Variants in DLEC1 observed in about 807,000 individuals in gnomAD.
The protein encoded by DLEC1 is DLEC1 cilia and flagella associated protein.
DLEC1 carries 146 observed loss-of-function variants against 198.1 expected under a neutral mutation model. That is an observed-to-expected ratio of 0.74 (90% CI 0.64 to 0.85). The LOEUF (loss-of-function observed/expected upper bound fraction) is 0.85, where lower values mean the gene tolerates loss of function less well. Ranked by LOEUF, DLEC1 falls within the 40% of genes least tolerant of loss-of-function variation. The probability of loss-of-function intolerance (pLI) is 0.00; values close to 1 mark genes in which losing one functional copy is unlikely to be tolerated. For missense variants in DLEC1, 2,233 were observed against 2,220.0 expected (o/e 1.01, Z -0.12); for synonymous variants, 897 against 866.8 (o/e 1.03, Z -0.61).
intron 35 of DLEC1, 138 bp from the exon 36 acceptor site, chr3:38,121,933 T>C (rs1700490459): frequency 6.6e-7 from 1 of 1,509,210 alleles, no homozygotes; most frequent in Admixed American, 2.1e-5. Flanking sequence ...AGTCCCCCAA[T>C]CCCACATGAT....
Position 38,073,739 on chromosome 3 carries a change from G to A in DLEC1, c.1173+9820G>A, listed in dbSNP as rs71323651. Among the ~76,000 whole-genome samples the A allele has an allele frequency of 5.4e-3, 827 of 152,274 alleles. 4 individuals carry two copies. The highest frequency in any genetic ancestry group is 8.6e-3 in the Non-Finnish European group (586 of 68,020). On this transcript the variant is annotated intron_variant, in intron 6 of 36. Coordinates refer to ENST00000308059, the MANE Select transcript of DLEC1 (RefSeq NM_007335.4). ...TTTTCAGGGGTTTTGAAGCTTGGCC[G>A]TCAGTACCTACAACAGTTATTGGGG...
rs771063541 is a variant in DLEC1, at chr3:38,096,699, G to T, written c.2302G>T (p.Glu768Ter). 6.2e-7 allele frequency: 1 copy of T among 1,612,742 alleles called. No homozygotes were observed. The highest frequency in any genetic ancestry group is 1.1e-5 in the South Asian group (1 of 90,880). The change falls in exon 15 of 37, where the codon GAG (glutamate) becomes TAG (stop). Residue 768 changes from glutamate (E) to a stop codon, truncating the protein, a stop_gained. Transcript: ENST00000308059. LOFTEE classifies it high-confidence loss of function. ...LEPYALIIPG[E>*]NYIGINVKKA... is the part of the protein sequence containing the mutation. ...GCCATATGCCCTCATCATCCCAGGGGAGAACTACATTGGGATAAATGTGAA... is the reference window on the plus strand; with the variant it reads ...GCCATATGCCCTCATCATCCCAGGGTAGAACTACATTGGGATAAATGTGAA...
At chr3:38,063,982 A>C (rs1575407307) in intron 6 of DLEC1, 63 bp downstream of exon 6, 1 of 767,296 alleles carries the variant, frequency 1.3e-6, no homozygotes. Flanking sequence ...AAAAGTCTTT[A>C]TTATGGAAAT....
rs759120426 is a variant in DLEC1, at chr3:38,097,194, A to G, written c.2353A>G (p.Ser785Gly). Residue 785 changes from serine (S) to glycine (G), a missense_variant, in exon 16 of 37, where the codon AGC (serine) becomes GGC (glycine). Ser to Gly is a moderately conservative substitution (Grantham distance 56, BLOSUM62 0). Transcript: ENST00000308059. ...VKKAFKMWNN[S>G]KSPIRYLWGK... ...GGGTGTCTTTCAGATGTGGAACAAC[A>G]GCAAGTCACCCATCAGATACCTGTG... 6 of 1,576,144 alleles carry G rather than the reference A, an allele frequency of 3.8e-6. No homozygotes were observed. In the South Asian group the frequency reaches 7.0e-5, roughly 18 times the overall value.
At chr3:38,083,814 TAGAG>T (rs760922898) in intron 6 of DLEC1, among the ~76,000 whole-genome samples, 31 of 151,222 alleles carry the variant, frequency 2.0e-4, no homozygotes, top group Non-Finnish European at 3.5e-4. Flanking sequence ...TTTTTTTTGG[TAGAG>T]AGAGTCTCTT....
At position 38,087,207 on chromosome 3, in the gene DLEC1, C is replaced by T. The variant is rs376116227; in HGVS notation, c.1572+830C>T. ...CAGGGCTGGGGGCAGGCCCTGTGTA[C>T]CTTGTCCTGAGTGCCCAGCTCCACC... On this transcript the variant is annotated intron_variant, in intron 9 of 36. Coordinates refer to ENST00000308059, the MANE Select transcript of DLEC1 (RefSeq NM_007335.4). Among the ~76,000 whole-genome samples, 199 of 152,328 alleles carry T rather than the reference C, an allele frequency of 1.3e-3. 1 individual carries two copies. Among genetic ancestry groups the T allele is most frequent in the African/African-American group, 4.6e-3 (192 of 41,572 alleles).
intron 2 of DLEC1, 29 bp downstream of exon 2, chr3:38,045,722 C>T: frequency 6.3e-7 from 1 of 1,580,420 alleles, no homozygotes; most frequent in South Asian, 1.2e-5. Flanking sequence ...CACATGCCTG[C>T]CCAATTCCCG....
chr3:38,117,344 G>A (rs1397050832), intron 31 of DLEC1, 42 bp downstream of exon 31: 1 of 1,609,908 alleles, frequency 6.2e-7, no homozygotes, highest in Non-Finnish European at 8.5e-7. Flanking sequence ...ATCCCCATGG[G>A]GTGCACCCTC....
chr3:38,110,292 CT>C lies in DLEC1; in HGVS notation c.3443+13del. ...CAAAAAGACCAGCCTGTAAGTCTTG[CT>C]TCTTTCACTTCCCAGGGCAGATGAA... On this transcript the variant is annotated intron_variant, in intron 23 of 36. Coordinates refer to ENST00000308059, the MANE Select transcript of DLEC1 (RefSeq NM_007335.4). The C allele has an allele frequency of 1.9e-6, 3 of 1,613,814 alleles. No individual in the cohort carries two copies. Among genetic ancestry groups the C allele is most frequent in the Non-Finnish European group, 2.5e-6 (3 of 1,179,862 alleles).
chr3:38,052,917 G>A (rs1701197288), intron 2 of DLEC1, among the ~76,000 whole-genome samples: 1 of 152,234 alleles, frequency 6.6e-6, no homozygotes, highest in Non-Finnish European at 1.5e-5. Flanking sequence ...AGCCTGCCGA[G>A]TGCCTGAGAT....
chr3:38,120,384 C>T (rs954425227), intron 33 of DLEC1, 64 bp from the exon 34 acceptor site: 1 of 1,582,484 alleles, frequency 6.3e-7, no homozygotes, highest in Admixed American at 1.7e-5. Flanking sequence ...GATGGAGCTC[C>T]AGGTGGGGAA....
chr3:38,043,209 C>G (rs757309943), intron 1 of DLEC1, among the ~76,000 whole-genome samples: 23 of 152,194 alleles, frequency 1.5e-4, no homozygotes, highest in Non-Finnish European at 2.9e-4. Flanking sequence ...CTATAAGCCT[C>G]AGTTTCCTTA....
In DLEC1 at chr3:38,116,778, G is replaced by A. The variant is rs755210596; in HGVS notation, c.4068G>A (p.Glu1356=). ...CAGTGATTCCTTGGTGACAGGTTGA[G>A]GGCAGCTCCAGTGCCAGCAATAGGG... ...EFSHETDSSV[E]GSSSASNRVA... Residue 1356 remains glutamate, a synonymous_variant, in exon 29 of 37, where the codon GAG becomes GAA. Coordinates refer to ENST00000308059, the MANE Select transcript of DLEC1 (RefSeq NM_007335.4). The A allele has an allele frequency of 6.2e-7, 1 of 1,612,130 alleles. No homozygotes were observed.
chr3:38,086,063 TGGGC>T (rs1698438682), intron 8 of DLEC1, among the ~76,000 whole-genome samples, 174 bp from the exon 9 acceptor site: 1 of 152,246 alleles, frequency 6.6e-6, no homozygotes, highest in Admixed American at 6.5e-5. Context: ...AGCAGCAGCC[TGGGC>T]AGAGCCCAAG....
intron 13 of DLEC1, chr3:38,095,345 G>A: frequency 4.2e-6 from 2 of 481,474 alleles, no homozygotes; most frequent in Non-Finnish European, 3.8e-6. Flanking sequence ...GTCTACTATG[G>A]CAAAAAACAT....
At chr3:38,108,728 G>C (rs6809107) in intron 21 of DLEC1, among the ~76,000 whole-genome samples, 13,481 of 152,240 alleles carry the variant, frequency 0.089, 844 homozygotes, top group African/African-American at 0.17. Flanking sequence ...CTGGGGATGT[G>C]CCCTGAGACC....
intron 19 of DLEC1, 74 bp from the exon 20 acceptor site, chr3:38,107,510 A>G (rs1699627887): frequency 1.4e-6 from 2 of 1,415,446 alleles, no homozygotes; most frequent in Non-Finnish European, 1.9e-6. Flanking sequence ...CATAGACTGC[A>G]TGTCATCTAG....
rs1217026945 is a variant in DLEC1 at position 38,108,532 on chromosome 3, A to C, written c.3129+17A>C. On this transcript the variant is annotated intron_variant, in intron 21 of 36. Coordinates refer to ENST00000308059, the MANE Select transcript of DLEC1 (RefSeq NM_007335.4). ...CATACCCAGGTGAGTAAGGCAATGT[A>C]GGGCCTGAGTGACCGGGAAGGCACC... is the stretch of plus-strand genomic sequence containing the variant. 3 of 1,607,060 alleles carry C rather than the reference A, an allele frequency of 1.9e-6. No individual in the cohort carries two copies. Among genetic ancestry groups the C allele is most frequent in the Non-Finnish European group, 1.7e-6 (2 of 1,174,468 alleles).
At chr3:38,047,808 C>T (rs1333839649) in intron 2 of DLEC1, among the ~76,000 whole-genome samples, 1 of 152,118 alleles carries the variant, frequency 6.6e-6, no homozygotes, top group Non-Finnish European at 1.5e-5. Context: ...TTAGGGGTTA[C>T]AAATTATAAT....
Sources: gnomAD v4.1 joint callset for allele counts (sites outside exome capture counted in the v4.1 genomes callset) on GRCh38, gnomAD v4.1.1 for gene constraint, MANE v1.5 for transcripts, NCBI Gene and HGNC (gene_info 2026-07-23, HGNC 2026-07-21) for gene names.